LRRTM4: variants seen among roughly 807,000 people sequenced by gnomAD.
The protein encoded by LRRTM4 is leucine-rich repeat transmembrane neuronal protein 4.
LRRTM4 carries 25 observed loss-of-function variants against 47.6 expected under a neutral mutation model. The observed-to-expected ratio is 0.53, with a 90% CI of 0.38 to 0.73. The LOEUF is 0.73. LRRTM4 is among the 30% of genes least tolerant of loss of function. The pLI is 0.00. For synonymous variants in LRRTM4, 311 were observed against 269.5 expected, an observed-to-expected ratio of 1.15 and a Z score of -1.51; for missense variants, 638 against 713.4, an observed-to-expected ratio of 0.89 and a Z score of 1.20.
chr2:77,147,183 A>G (rs931149289), intron 3 of LRRTM4, among the ~76,000 whole-genome samples: 1 of 152,262 alleles, frequency 6.6e-6, no homozygotes, highest in East Asian at 1.9e-4. Context: ...GTTAGTTCTT[A>G]TATTTAGACC....
chr2:76,807,449 T>TATATATACAC (rs1558667535), intron 3 of LRRTM4, among the ~76,000 whole-genome samples: 20 of 100,720 alleles, frequency 2.0e-4, no homozygotes, highest in African/African-American at 1.0e-3. Flanking sequence ...TATATACATA[T>TATATATACAC]ATATATATAC....
chr2:77,417,779 G>C (rs1674702329), intron 3 of LRRTM4, among the ~76,000 whole-genome samples: 1 of 151,148 alleles, frequency 6.6e-6, no homozygotes, highest in Non-Finnish European at 1.5e-5. Flanking sequence ...GGGAAGGGGG[G>C]AGGAATAGCA....
At chr2:77,433,761 T>C (rs1675478599) in intron 3 of LRRTM4, among the ~76,000 whole-genome samples, 2 of 151,462 alleles carry the variant, frequency 1.3e-5, no homozygotes, top group Admixed American at 6.6e-5. Flanking sequence ...ACAACAGGAG[T>C]GGAAGGAAAA....
In LRRTM4 at chr2:77,018,259, CTTTTTTT is replaced by C. The variant is rs59294966; in HGVS notation, c.1552-269350_1552-269344del. ...CCATGTAATGCTAAGCTCTTGATTG[CTTTTTTT>C]TTTTTTTTTTTGTCTTTGTTCTTTA... On this transcript the variant is annotated intron_variant, in intron 3 of 3. Transcript: ENST00000409884. Among the ~76,000 whole-genome samples the C allele has an allele frequency of 1.9e-4, 14 of 75,036 alleles. No homozygotes were observed. In the Admixed American group the frequency reaches 2.5e-3, roughly 13 times the overall value. 49.2% of individuals were successfully genotyped at this position (75,036 alleles called of 152,430 possible).
At chr2:77,270,900 T>C (rs1046812556) in intron 3 of LRRTM4, among the ~76,000 whole-genome samples, 21 of 152,230 alleles carry the variant, frequency 1.4e-4, no homozygotes, top group African/African-American at 4.6e-4. Flanking sequence ...TTTAGAGTTG[T>C]GTCTTTGCTT....
rs141292015 is a variant in LRRTM4, at chr2:77,448,754, A to G, written c.1551+69564T>C. On this transcript the variant is annotated intron_variant, in intron 3 of 3. Coordinates refer to ENST00000409884, the MANE Select transcript of LRRTM4 (RefSeq NM_001134745.3). ...CCCTGCTGTAATATTTTACTTTTAT[A>G]AATGGATGCTCTTTGACAAGAATCA... is the stretch of plus-strand genomic sequence containing the variant. Among the ~76,000 whole-genome samples the G allele has an allele frequency of 1.1e-3, 172 of 152,294 alleles. 2 individuals carry two copies. Among genetic ancestry groups the G allele is most frequent in the Non-Finnish European group, 1.1e-3 (72 of 68,024 alleles).
rs1239482210 is a variant in LRRTM4 at position 77,249,625 on chromosome 2, CCTAT to C, written c.1551+268689_1551+268692del. Among the ~76,000 whole-genome samples, 11 of 152,232 alleles carry C rather than the reference CCTAT, an allele frequency of 7.2e-5. No homozygotes were observed. The East Asian group carries it at 1.9e-3, about 27-fold the overall frequency. Reference sequence around the variant, plus strand: ...TTAAAACAACAAGAAGATACCACCACCTATCTATTACAATGGCCAAAATCCAGAG... The same window carrying C: ...TTAAAACAACAAGAAGATACCACCACCTATTACAATGGCCAAAATCCAGAG... On this transcript the variant is annotated intron_variant, in intron 3 of 3. Transcript: ENST00000409884.
chr2:77,208,053 A>G (rs577733377), intron 3 of LRRTM4, among the ~76,000 whole-genome samples: 44 of 151,550 alleles, frequency 2.9e-4, no homozygotes, highest in African/African-American at 9.7e-4. Flanking sequence ...TAATTTTCGT[A>G]TTTTTAGTAG....
chr2:77,427,439 T>C (rs1675167480), intron 3 of LRRTM4, among the ~76,000 whole-genome samples: 1 of 152,238 alleles, frequency 6.6e-6, no homozygotes, highest in Non-Finnish European at 1.5e-5. Flanking sequence ...TTTACCAAGT[T>C]AAAGTATTTT....
chr2:77,195,308 ATATT>A (rs1357190265), intron 3 of LRRTM4, among the ~76,000 whole-genome samples: 7 of 151,932 alleles, frequency 4.6e-5, no homozygotes, highest in African/African-American at 1.7e-4. Context: ...AACATTATAA[ATATT>A]TATAGATTTT....
intron 3 of LRRTM4, among the ~76,000 whole-genome samples, chr2:76,898,391 T>C (rs768100768): frequency 6.6e-6 from 1 of 151,870 alleles, no homozygotes; most frequent in Non-Finnish European, 1.5e-5. Context: ...TCAATAAAAA[T>C]TTCACACCTG....
chr2:77,520,103 T>A (rs551864324), intron 2 of LRRTM4, among the ~76,000 whole-genome samples: 1 of 152,212 alleles, frequency 6.6e-6, no homozygotes, highest in African/African-American at 2.4e-5. Flanking sequence ...AAAGCCTTTT[T>A]GAGTTTCAGG....
intron 3 of LRRTM4, among the ~76,000 whole-genome samples, chr2:77,101,469 T>C (rs1002154469): frequency 8.5e-5 from 13 of 152,132 alleles, no homozygotes; most frequent in African/African-American, 3.1e-4. Flanking sequence ...GTTTTTAGAT[T>C]TCTGTATATA....
rs1050671069 is a variant in LRRTM4, at chr2:77,130,806, C to T, written c.1552-381890G>A. Among the ~76,000 whole-genome samples, 85 of 141,562 alleles carry T rather than the reference C, an allele frequency of 6.0e-4. No homozygotes were observed. In the East Asian group the frequency reaches 0.014, roughly 23 times the overall value. 92.9% of individuals were successfully genotyped at this position (141,562 alleles called of 152,430 possible). A position where few individuals can be genotyped will look rare whatever the true frequency, so the allele number is the denominator to read the frequency against. The stretch of plus-strand genomic sequence containing the variant: ...GATTACAAGTGTGAGCCACCGTGCC[C>T]GGCCAATTATTTGTTCTATTTTTTT... On this transcript the variant is annotated intron_variant, in intron 3 of 3. Coordinates refer to ENST00000409884, the MANE Select transcript of LRRTM4 (RefSeq NM_001134745.3).
At chr2:77,515,533 A>C (rs1233523671) in intron 3 of LRRTM4, among the ~76,000 whole-genome samples, 1 of 151,866 alleles carries the variant, frequency 6.6e-6, no homozygotes, top group African/African-American at 2.4e-5. Flanking sequence ...TTAGAAAATT[A>C]GCATTTGGTG....
intron 3 of LRRTM4, among the ~76,000 whole-genome samples, chr2:77,478,033 T>C (rs927345715): frequency 5.9e-5 from 9 of 152,058 alleles, no homozygotes; most frequent in Non-Finnish European, 1.0e-4. Context: ...GGAGTCAGGC[T>C]CATAGTTTTC....
chr2:77,080,305 CAT>C (rs1159313395), intron 3 of LRRTM4, among the ~76,000 whole-genome samples: 3 of 152,154 alleles, frequency 2.0e-5, no homozygotes, highest in Non-Finnish European at 4.4e-5. Flanking sequence ...TCTTCAGCCT[CAT>C]GTTAACTGTC....
At chr2:77,026,649 C>G (rs1678464203) in intron 3 of LRRTM4, among the ~76,000 whole-genome samples, 1 of 151,820 alleles carries the variant, frequency 6.6e-6, no homozygotes, top group South Asian at 2.1e-4. Context: ...ACCTGAAAAG[C>G]TGTTTATTGT....
intron 3 of LRRTM4, among the ~76,000 whole-genome samples, chr2:77,241,343 C>T (rs1002285791): frequency 5.3e-5 from 8 of 151,824 alleles, no homozygotes; most frequent in South Asian, 2.1e-4. Flanking sequence ...TGAGAAAAGG[C>T]GCTGGAAATT....
Sources: allele counts gnomAD v4.1 joint callset (sites outside exome capture counted in the v4.1 genomes callset), GRCh38; gene constraint gnomAD v4.1.1; transcripts MANE v1.5; gene names NCBI Gene and HGNC (gene_info 2026-07-23, HGNC 2026-07-21).